The following WDR45 variants were observed in gnomAD, a reference collection of about 807,000 sequenced individuals.
The protein encoded by WDR45 is WD repeat domain phosphoinositide-interacting protein 4.
WDR45 carries 2 observed loss-of-function variants against 27.3 expected under a neutral mutation model. That is an observed-to-expected ratio of 0.07 (90% CI 0.03 to 0.23). The LOEUF (loss-of-function observed/expected upper bound fraction) is 0.23. Ranked by LOEUF, WDR45 falls within the 10% of genes least tolerant of loss-of-function variation. WDR45 has a pLI of 1.00. For synonymous variants in WDR45, 99 were observed against 119.2 expected (o/e 0.83, Z 1.11); for missense variants, 175 against 311.9 (o/e 0.56, Z 3.31).
chrX:49,084,421 G>T (rs1324085358), upstream of WDR45, among the ~76,000 whole-genome samples: 2 of 108,093 alleles, frequency 1.9e-5, no homozygotes, highest in Admixed American at 9.9e-5. Flanking sequence ...TGGGCATGGT[G>T]GCTCATGCCT....
chrX:49,085,232 T>A lies in WDR45; in HGVS notation c.-17-7120A>T, dbSNP rs919219368. 3.6e-5 allele frequency among the ~76,000 whole-genome samples: 4 copies of A among 111,793 alleles called. No individual in the cohort carries two copies. In the East Asian group the frequency reaches 1.1e-3, roughly 31 times the overall value. On this transcript the variant is annotated intron_variant, in intron 2 of 11. Coordinates refer to the WDR45 transcript ENST00000356463. Reference sequence around the variant, plus strand: ...ATTTAGCGGAGTGCTTATCAACACATGCATATGAGGCAGCTACCTAAGGCC... The same window carrying A: ...ATTTAGCGGAGTGCTTATCAACACAAGCATATGAGGCAGCTACCTAAGGCC...
At chrX:49,081,674 G>A (rs1327677213), upstream of WDR45, among the ~76,000 whole-genome samples, 1 of 94,809 alleles carries the variant, frequency 1.1e-5, no homozygotes, top group South Asian at 4.9e-4. Flanking sequence ...CCTGGGAGAC[G>A]AGCGAAATTC....
chrX:49,076,129 C>T, intron 6 of WDR45, 184 bp from the exon 7 acceptor site: 1 of 474,388 alleles, frequency 2.1e-6, no homozygotes, highest in Non-Finnish European at 3.7e-6. Context: ...TGCTCTGCAG[C>T]TGTGGAATCT....
chrX:49,095,868 A>G (rs781784165), intron 2 of WDR45, among the ~76,000 whole-genome samples: 1 of 100,819 alleles, frequency 9.9e-6, no homozygotes, highest in South Asian at 4.7e-4. Context: ...GGTTCAAGCA[A>G]TTCTCTGCCT....
chrX:49,085,751 C>T (rs369088841), intron 2 of WDR45, among the ~76,000 whole-genome samples: 8 of 100,946 alleles, frequency 7.9e-5, no homozygotes, highest in African/African-American at 2.9e-4. Context: ...ATGGCGTGTG[C>T]CTCTAGTCCC....
chrX:49,086,893 T>C (rs1265130570), intron 2 of WDR45, among the ~76,000 whole-genome samples: 1 of 110,085 alleles, frequency 9.1e-6, no homozygotes, highest in African/African-American at 3.3e-5. Context: ...GTGCCCAGCC[T>C]CCTTTTTTTC....
chrX:49,080,116 G>A (rs1425749216), upstream of WDR45: 1 of 112,904 alleles, frequency 8.9e-6, no homozygotes, highest in African/African-American at 3.2e-5. Context: ...CCGGAAGGGT[G>A]GGGAGAGAGA....
At chrX:49,076,368 T>C (rs2065037314) in intron 6 of WDR45, 62 bp downstream of exon 6, 1 of 1,110,157 alleles carries the variant, frequency 9.0e-7, no homozygotes, top group African/African-American at 1.8e-5. Flanking sequence ...TTTCCTCATC[T>C]CTGCCCCTCT....
chrX:49,094,501 G>A (rs1250478091), intron 2 of WDR45, among the ~76,000 whole-genome samples: 1 of 110,418 alleles, frequency 9.1e-6, no homozygotes, highest in African/African-American at 3.3e-5. Flanking sequence ...TAGAGACGGG[G>A]TTTCCCCACG....
intron 2 of WDR45, among the ~76,000 whole-genome samples, chrX:49,088,540 C>T (rs1048833523): frequency 1.5e-4 from 17 of 112,151 alleles, no homozygotes; most frequent in African/African-American, 4.5e-4. Context: ...TCTAGGTATT[C>T]TCCAACATAC....
At position 49,090,018 on chromosome X, in the gene WDR45, G is replaced by C. The variant is rs782239133; in HGVS notation, c.-18+10187C>G. On this transcript the variant is annotated intron_variant, in intron 2 of 11. Coordinates refer to the WDR45 transcript ENST00000356463. ...AAGGCTAGGGGATGGGTGGAATAGT[G>C]ACTGGTAATGGCTATGGGGTTTCCT... Among the ~76,000 whole-genome samples the C allele has an allele frequency of 2.7e-5, 3 of 110,200 alleles. No homozygotes were observed. The East Asian group carries it at 8.5e-4, about 31-fold the overall frequency.
At chrX:49,092,119 C>CAAAA (rs61126954) in intron 2 of WDR45, among the ~76,000 whole-genome samples, 1,595 of 34,942 alleles carry the variant, frequency 0.046, 126 homozygotes, top group Non-Finnish European at 0.058. Flanking sequence ...CACTCCATCT[C>CAAAA]AAAAAAAAAA....
At position 49,075,152 on chromosome X, in the gene WDR45, G is replaced by A. The variant is rs782147492; in HGVS notation, c.957C>T (p.Asn319=). The change falls in exon 10 of 11, where the codon AAC becomes AAT. Residue 319 remains asparagine, a synonymous_variant. Coordinates refer to ENST00000376372, the MANE Select transcript of WDR45 (RefSeq NM_001029896.2). ...CCCACTCACCAATGACAGAGTTGAC[G>A]TTCTTGGAAGTATTGCGACCGAAGG... ...ICAFGRNTSK[N]VNSVIAICVD... 45 of 1,210,766 alleles carry A rather than the reference G, an allele frequency of 3.7e-5. No homozygotes were observed. The highest frequency in any genetic ancestry group is 4.5e-5 in the Non-Finnish European group (40 of 895,257).
intron 2 of WDR45, among the ~76,000 whole-genome samples, chrX:49,092,119 CAAAAAA>C (rs61126954): frequency 2.8e-5 from 1 of 35,731 alleles, no homozygotes; most frequent in African/African-American, 9.9e-5. Context: ...CACTCCATCT[CAAAAAA>C]AAAAAAAAAA....
intron 2 of WDR45, among the ~76,000 whole-genome samples, chrX:49,087,662 G>A (rs2147824170): frequency 8.9e-6 from 1 of 112,559 alleles, no homozygotes; most frequent in South Asian, 3.6e-4. Flanking sequence ...AGACTGAATA[G>A]GAGAAGCCAT....
intron 7 of WDR45, 38 bp downstream of exon 7, chrX:49,075,828 C>T: frequency 8.3e-7 from 1 of 1,203,107 alleles, no homozygotes; most frequent in Non-Finnish European, 1.1e-6. Context: ...GGAAGCCAGT[C>T]CACCAACCTA....
At chrX:49,094,043 T>C (rs1439122024) in intron 2 of WDR45, among the ~76,000 whole-genome samples, 1 of 111,352 alleles carries the variant, frequency 9.0e-6, no homozygotes, top group Non-Finnish European at 1.9e-5. Context: ...GGTTTCACCA[T>C]GTTGGCCAGG....
At chrX:49,078,790 C>G (rs1416862038) in intron 1 of WDR45, among the ~76,000 whole-genome samples, 1 of 112,552 alleles carries the variant, frequency 8.9e-6, no homozygotes, top group African/African-American at 3.2e-5. Context: ...CCACTCCCAA[C>G]CCATTTCTCA....
intron 2 of WDR45, among the ~76,000 whole-genome samples, chrX:49,091,778 A>G (rs1217714011): frequency 9.6e-6 from 1 of 103,805 alleles, no homozygotes; most frequent in Non-Finnish European, 2.0e-5. Context: ...AAAAAAAAAA[A>G]AAAAAAAGAA....
Sources: gnomAD v4.1 joint callset for allele counts (sites outside exome capture counted in the v4.1 genomes callset) on GRCh38, gnomAD v4.1.1 for gene constraint, MANE v1.5 for transcripts, NCBI Gene and HGNC (gene_info 2026-07-23, HGNC 2026-07-21) for gene names.